LRIF1: variants seen among roughly 807,000 people sequenced by gnomAD.
LRIF1 encodes ligand-dependent nuclear receptor-interacting factor 1.
A neutral mutation model predicts 52.7 loss-of-function variants in LRIF1; 32 were observed. The ratio of observed to expected loss-of-function variants is 0.61; its 90% CI spans 0.46 to 0.82. The LOEUF is 0.82. LRIF1 is among the 40% of genes least tolerant of loss of function. The probability of loss-of-function intolerance (pLI) is 0.00; values close to 1 mark genes in which losing one functional copy is unlikely to be tolerated. For synonymous variants in LRIF1, 323 were observed against 317.4 expected, an observed-to-expected ratio of 1.02 and a Z score of -0.19; for missense variants, 887 against 892.0, an observed-to-expected ratio of 0.99 and a Z score of 0.07.
At chr1:110,949,395 GGC>G (rs1658361777) in intron 3 of LRIF1, among the ~76,000 whole-genome samples, 1 of 148,996 alleles carries the variant, frequency 6.7e-6, no homozygotes, top group Non-Finnish European at 1.5e-5. Context: ...TGGGATTACA[GGC>G]GTGAGCCACT....
Position 110,951,488 on chromosome 1 carries a change from A to G in LRIF1, c.1396T>C (p.Leu466=). 3 of 1,614,154 alleles carry G rather than the reference A, an allele frequency of 1.9e-6. No homozygotes were observed. Among genetic ancestry groups the G allele is most frequent in the Non-Finnish European group, 1.7e-6 (2 of 1,180,014 alleles). The change falls in exon 2 of 4, where the codon TTA becomes CTA. Residue 466 remains leucine, a synonymous_variant. Transcript: ENST00000369763. The part of the protein sequence containing the change: ...NPHMNQSSNY[L]KQSKTLFTNP... The stretch of plus-strand genomic sequence containing the variant: ...GTGAATAAAGTCTTACTCTGTTTTA[A>G]GTAGTTACTGGATTGGTTCATATGT...
chr1:110,917,574 G>A, the LRIF1 span, among the ~76,000 whole-genome samples: 1 of 151,536 alleles, frequency 6.6e-6, no homozygotes, highest in Admixed American at 6.6e-5. Context: ...GAATTTGGGT[G>A]CTTGACATAT....
At chr1:110,885,981 G>A in the LRIF1 span, among the ~76,000 whole-genome samples, 1 of 152,130 alleles carries the variant, frequency 6.6e-6, no homozygotes, top group East Asian at 1.9e-4. Context: ...TAAATCTGTA[G>A]TTCCATCTGG....
At chr1:110,933,488 C>T in the LRIF1 span, among the ~76,000 whole-genome samples, 1 of 152,166 alleles carries the variant, frequency 6.6e-6, no homozygotes, top group Non-Finnish European at 1.5e-5. Flanking sequence ...AACCCCCCAA[C>T]AGCAGCCAGG....
At position 110,958,764 on chromosome 1, in the gene LRIF1, T is replaced by A. The variant is rs1455169623; in HGVS notation, c.68+4857A>T. 2.0e-5 allele frequency among the ~76,000 whole-genome samples: 3 copies of A among 152,220 alleles called. No individual in the cohort carries two copies. In the East Asian group the frequency reaches 5.8e-4, roughly 29 times the overall value. ...GACCATAAATTCCTGCAGGGTAGAT[T>A]ATCCTATTCATATCTATATACTCCG... On this transcript the variant is annotated intron_variant, in intron 1 of 3. Coordinates refer to ENST00000369763, the MANE Select transcript of LRIF1 (RefSeq NM_018372.4).
downstream of LRIF1, chr1:110,943,480 A>G (rs549951569): frequency 6.6e-6 from 1 of 152,332 alleles, no homozygotes; most frequent in Non-Finnish European, 1.5e-5. Flanking sequence ...GGTAGATGCA[A>G]TATATTTATT....
the LRIF1 span, chr1:110,892,378 T>C: frequency 6.2e-7 from 1 of 1,614,032 alleles, no homozygotes; most frequent in Non-Finnish European, 8.5e-7. Context: ...CTTTGGGATC[T>C]ACCTGCTGAT....
chr1:110,880,796 T>C, the LRIF1 span, among the ~76,000 whole-genome samples: 1 of 152,252 alleles, frequency 6.6e-6, no homozygotes, highest in Middle Eastern at 3.4e-3. Flanking sequence ...TAGTCACTTA[T>C]AAAACAAAAT....
In LRIF1 at chr1:110,949,124, T is replaced by C. The variant is rs1489123814; in HGVS notation, c.1870-725A>G. Among the ~76,000 whole-genome samples, 5 of 151,730 alleles carry C rather than the reference T, an allele frequency of 3.3e-5. No homozygotes were observed. In the South Asian group the frequency reaches 6.2e-4, roughly 19 times the overall value. On this transcript the variant is annotated intron_variant, in intron 3 of 3. Coordinates refer to ENST00000369763, the MANE Select transcript of LRIF1 (RefSeq NM_018372.4). ...GGGGTGGGCGGTGTTTATATATATA[T>C]AATTTTTTTTTTGAGACAGAGTTTC... is the stretch of plus-strand genomic sequence containing the variant.
chr1:110,904,595 C>A, the LRIF1 span, among the ~76,000 whole-genome samples: 1 of 152,226 alleles, frequency 6.6e-6, no homozygotes, highest in East Asian at 1.9e-4. Context: ...CTCGAGGTGC[C>A]CCTAAAGCAG....
chr1:110,948,247 A>C lies in LRIF1; in HGVS notation c.2022T>G (p.Asp674Glu), dbSNP rs1243119183. The change falls in exon 4 of 4, where the codon GAT becomes GAG. Residue 674 changes from aspartate (D) to glutamate (E), a missense_variant. By Grantham distance (45) the Asp-to-Glu change is conservative. Coordinates refer to ENST00000369763, the MANE Select transcript of LRIF1 (RefSeq NM_018372.4). ...QLLSSILPTS[D>E]VSQHNILTSH... ...TCGTGAGAATGTTATGTTGTGACAC[A>C]TCTGAAGTTGGTAAAATACTGCTTA... 1.2e-6 allele frequency: 2 copies of C among 1,614,022 alleles called. No individual in the cohort carries two copies. Among genetic ancestry groups the C allele is most frequent in the East Asian group, 4.5e-5 (2 of 44,876 alleles).
chr1:110,905,104 AT>A, the LRIF1 span, among the ~76,000 whole-genome samples: 14 of 152,174 alleles, frequency 9.2e-5, no homozygotes, highest in Non-Finnish European at 1.5e-4. Context: ...TAAAAAAAGA[AT>A]AAAAAACAAG....
chr1:110,877,098 A>C, the LRIF1 span, among the ~76,000 whole-genome samples: 2 of 152,202 alleles, frequency 1.3e-5, no homozygotes, highest in African/African-American at 4.8e-5. Context: ...TCTTTATAGC[A>C]AAAGGAAATT....
At chr1:110,951,208 C>A (rs1658459025) in intron 2 of LRIF1, 80 bp downstream of exon 2, 1 of 1,149,798 alleles carries the variant, frequency 8.7e-7, no homozygotes, top group Non-Finnish European at 1.2e-6. Context: ...AAAGAGGTAT[C>A]ATAGATAACT....
At chr1:110,899,350 G>A in the LRIF1 span, 1 of 571,676 alleles carries the variant, frequency 1.7e-6, no homozygotes, top group South Asian at 2.1e-5. Flanking sequence ...AGTGGGTGTT[G>A]GCCAGGCACA....
intron 1 of LRIF1, among the ~76,000 whole-genome samples, chr1:110,959,252 T>A (rs1334776338): frequency 1.3e-5 from 2 of 152,230 alleles, no homozygotes; most frequent in Non-Finnish European, 2.9e-5. Flanking sequence ...TACAGGCTAC[T>A]AATTCTGGTT....
chr1:110,946,591 T>C (rs933725745), downstream of LRIF1, among the ~76,000 whole-genome samples: 1 of 148,542 alleles, frequency 6.7e-6, no homozygotes, highest in Non-Finnish European at 1.5e-5. Flanking sequence ...ATTTACTCTT[T>C]TGTTGCCATT....
At chr1:110,958,727 T>C (rs1329869260) in intron 1 of LRIF1, among the ~76,000 whole-genome samples, 1 of 152,228 alleles carries the variant, frequency 6.6e-6, no homozygotes, top group Non-Finnish European at 1.5e-5. Flanking sequence ...GAGAGTCACA[T>C]AATCTACCAC....
At chr1:110,897,880 ATG>A in the LRIF1 span, 1 of 1,603,978 alleles carries the variant, frequency 6.2e-7, no homozygotes. Context: ...CCATCTGTGT[ATG>A]TGTGATTGAG....
Sources: allele counts gnomAD v4.1 joint callset (sites outside exome capture counted in the v4.1 genomes callset), GRCh38; gene constraint gnomAD v4.1.1; transcripts MANE v1.5; gene names NCBI Gene and HGNC (gene_info 2026-07-23, HGNC 2026-07-21).